The following NKAIN3 variants were observed in gnomAD, a reference collection of about 807,000 sequenced individuals.
The protein encoded by NKAIN3 is sodium/potassium transporting ATPase interacting 3.
Under a neutral mutation model 30.2 loss-of-function variants are expected in NKAIN3, and 25 were observed. The observed-to-expected ratio is 0.83, with a 90% CI of 0.60 to 1.16. The LOEUF (loss-of-function observed/expected upper bound fraction) is 1.16, where lower values mean the gene tolerates loss of function less well. Among genes scored for constraint, NKAIN3 ranks in the 50% most tolerant of loss-of-function variants. The pLI, the probability that NKAIN3 is intolerant of heterozygous loss-of-function variation, is 0.00. For synonymous variants in NKAIN3, 91 were observed against 89.6 expected, an observed-to-expected ratio of 1.02 and a Z score of -0.09; for missense variants, 225 against 254.1, an observed-to-expected ratio of 0.89 and a Z score of 0.78.
chr8:62,580,905 T>TA (rs1491086825), intron 2 of NKAIN3, among the ~76,000 whole-genome samples: 10,315 of 54,876 alleles, frequency 0.19, 465 homozygotes, highest in Non-Finnish European at 0.34. Flanking sequence ...AGCTAGGGTT[T>TA]TTATATATAT....
At chr8:62,723,667 T>G (rs1815165755) in intron 3 of NKAIN3, among the ~76,000 whole-genome samples, 1 of 152,140 alleles carries the variant, frequency 6.6e-6, no homozygotes, top group Non-Finnish European at 1.5e-5. Context: ...ACAGTACTCA[T>G]AGATGTAAAC....
intron 3 of NKAIN3, among the ~76,000 whole-genome samples, chr8:62,727,104 A>C (rs1815282956): frequency 2.0e-5 from 3 of 152,286 alleles, no homozygotes; most frequent in South Asian, 4.1e-4. Context: ...GAAAAATTAC[A>C]TGGTCATGTC....
Position 62,746,919 on chromosome 8 carries a change from C to A in NKAIN3, c.274-13C>A. 1 of 1,581,844 alleles carries A rather than the reference C, an allele frequency of 6.3e-7. No individual in the cohort carries two copies. The highest frequency in any genetic ancestry group is 8.7e-7 in the Non-Finnish European group (1 of 1,154,076). On this transcript the variant is annotated splice_polypyrimidine_tract_variant and intron_variant, in intron 3 of 6. Transcript: ENST00000623646. ...ATTTCCTCATTTTGCTCTTTTGTCT[C>A]CTACCCACCTAGGACACCGATCTAA...
intron 4 of NKAIN3, among the ~76,000 whole-genome samples, chr8:62,850,088 C>T (rs1425501602): frequency 6.6e-6 from 1 of 152,036 alleles, no homozygotes; most frequent in Admixed American, 6.5e-5. Context: ...AAAAGTGATC[C>T]TATTTCTCCA....
intron 1 of NKAIN3, among the ~76,000 whole-genome samples, chr8:62,494,651 C>CT (rs993444526): frequency 1.3e-5 from 2 of 151,802 alleles, no homozygotes; most frequent in African/African-American, 4.8e-5. Flanking sequence ...TGGGCCTGGG[C>CT]TTTTTTTGAT....
chr8:62,524,997 G>A (rs1002633574), intron 1 of NKAIN3, among the ~76,000 whole-genome samples: 1 of 151,668 alleles, frequency 6.6e-6, no homozygotes. Flanking sequence ...CTATTGTTCT[G>A]TCAACTCTCT....
chr8:62,429,764 A>G (rs1804936349), intron 1 of NKAIN3, among the ~76,000 whole-genome samples: 1 of 151,868 alleles, frequency 6.6e-6, no homozygotes, highest in Non-Finnish European at 1.5e-5. Flanking sequence ...AGGATACTCC[A>G]GTCTTTGTGC....
At chr8:62,630,246 G>A (rs1015220825) in intron 3 of NKAIN3, among the ~76,000 whole-genome samples, 1 of 152,072 alleles carries the variant, frequency 6.6e-6, no homozygotes, top group Non-Finnish European at 1.5e-5. Flanking sequence ...TGCAGATAAA[G>A]GGGGAGTACT....
At chr8:62,891,638 C>T (rs1289670816) in intron 4 of NKAIN3, among the ~76,000 whole-genome samples, 1 of 152,162 alleles carries the variant, frequency 6.6e-6, no homozygotes, top group Admixed American at 6.5e-5. Flanking sequence ...TCACTATTAA[C>T]TATTAAAATG....
intron 5 of NKAIN3, among the ~76,000 whole-genome samples, chr8:62,929,158 G>A (rs1822539342): frequency 6.6e-6 from 1 of 152,128 alleles, no homozygotes; most frequent in Non-Finnish European, 1.5e-5. Flanking sequence ...CCAAAACAAA[G>A]GGCTTGACTT....
intron 1 of NKAIN3, among the ~76,000 whole-genome samples, chr8:62,375,339 G>T (rs1224228650): frequency 6.6e-6 from 1 of 152,148 alleles, no homozygotes; most frequent in Non-Finnish European, 1.5e-5. Context: ...AGCACTGCAG[G>T]TTTTTCCTTT....
At chr8:62,998,179 G>T (rs1460639002) in intron 5 of NKAIN3, among the ~76,000 whole-genome samples, 1 of 152,080 alleles carries the variant, frequency 6.6e-6, no homozygotes, top group African/African-American at 2.4e-5. Flanking sequence ...CTTCTATAAT[G>T]GTGTCAAATA....
intron 4 of NKAIN3, among the ~76,000 whole-genome samples, chr8:62,810,989 A>G (rs546747772): frequency 6.6e-6 from 1 of 152,208 alleles, no homozygotes; most frequent in South Asian, 2.1e-4. Context: ...AACATACTGA[A>G]CAATTTCATC....
chr8:62,995,883 C>A (rs1439714623), intron 5 of NKAIN3, among the ~76,000 whole-genome samples: 1 of 152,140 alleles, frequency 6.6e-6, no homozygotes, highest in African/African-American at 2.4e-5. Context: ...CACCTGGGAG[C>A]TTGTTAGAAA....
At chr8:62,557,950 G>A (rs1011241375) in intron 1 of NKAIN3, among the ~76,000 whole-genome samples, 1 of 152,048 alleles carries the variant, frequency 6.6e-6, no homozygotes, top group Non-Finnish European at 1.5e-5. Flanking sequence ...TATTGCATTT[G>A]CTTTTGAGTT....
intron 3 of NKAIN3, among the ~76,000 whole-genome samples, chr8:62,662,632 G>A (rs1029904310): frequency 1.3e-5 from 2 of 152,284 alleles, no homozygotes; most frequent in Non-Finnish European, 1.5e-5. Flanking sequence ...AATTTTTAAA[G>A]TTAATAAAAG....
chr8:62,371,363 T>G (rs1188534315), intron 1 of NKAIN3, among the ~76,000 whole-genome samples: 2 of 151,942 alleles, frequency 1.3e-5, no homozygotes, highest in Non-Finnish European at 2.9e-5. Context: ...AGTAAGAACT[T>G]TTTAAACCTT....
At chr8:62,385,350 G>T (rs1286520482) in intron 1 of NKAIN3, among the ~76,000 whole-genome samples, 2 of 152,188 alleles carry the variant, frequency 1.3e-5, no homozygotes, top group East Asian at 3.9e-4. Context: ...GGTGGGTATT[G>T]TTCTCTCCAT....
chr8:62,294,565 T>G (rs1477631727), intron 1 of NKAIN3, among the ~76,000 whole-genome samples: 2 of 152,200 alleles, frequency 1.3e-5, no homozygotes, highest in Non-Finnish European at 2.9e-5. Context: ...TCCTATTTTT[T>G]GAGACAGAGC....
Sources: gnomAD v4.1 joint callset for allele counts (sites outside exome capture counted in the v4.1 genomes callset) on GRCh38, gnomAD v4.1.1 for gene constraint, MANE v1.5 for transcripts, NCBI Gene and HGNC (gene_info 2026-07-23, HGNC 2026-07-21) for gene names.